Variants in PDZRN3 observed in about 807,000 individuals in gnomAD.
The protein encoded by PDZRN3 is E3 ubiquitin-protein ligase PDZRN3.
In PDZRN3, 38 loss-of-function variants were observed where a neutral mutation model predicts 85.7. That is an observed-to-expected ratio of 0.44 (90% confidence interval 0.34 to 0.58). The LOEUF (loss-of-function observed/expected upper bound fraction) is 0.58, where lower values mean the gene tolerates loss of function less well. Among genes scored for constraint, PDZRN3 ranks in the 20% least tolerant of loss-of-function variants. PDZRN3 has a pLI of 0.01. For synonymous variants in PDZRN3, 759 were observed against 638.0 expected, an observed-to-expected ratio of 1.19 and a Z score of -2.86; for missense variants, 1,629 against 1,506.4, an observed-to-expected ratio of 1.08 and a Z score of -1.35.
intron 3 of PDZRN3, among the ~76,000 whole-genome samples, chr3:73,452,286 G>GGGT (rs1227885619): frequency 6.6e-6 from 1 of 152,038 alleles, no homozygotes; most frequent in Non-Finnish European, 1.5e-5. Flanking sequence ...TCTCAAATAG[G>GGGT]GGTGGGGTCA....
intron 3 of PDZRN3, among the ~76,000 whole-genome samples, chr3:73,442,896 G>C (rs1216791113): frequency 6.6e-6 from 1 of 152,148 alleles, no homozygotes; most frequent in Admixed American, 6.5e-5. Flanking sequence ...CTAGGTCCCT[G>C]TGGTGTTGTT....
chr3:73,624,752 A>G lies in PDZRN3; in HGVS notation c.74T>C (p.Leu25Pro). 1 of 1,509,060 alleles carries G rather than the reference A, an allele frequency of 6.6e-7. No homozygotes were observed. The highest frequency in any genetic ancestry group is 8.8e-7 in the Non-Finnish European group (1 of 1,136,680). The allele number at this position is 1,509,060 out of a possible 1,614,324, so 93.5% of individuals were successfully genotyped here. The change falls in exon 1 of 10, where the codon CTG (leucine) becomes CCG (proline). Residue 25 changes from leucine to proline, a missense_variant. By Grantham distance (98) the Leu-to-Pro change is moderately conservative. Transcript: ENST00000263666. Reference protein sequence around the residue: ...DLKCALCHKVLEDPLTTPCGH... With the variant: ...DLKCALCHKVPEDPLTTPCGH... ...GCACGGCGTGGTCAGCGGGTCCTCC[A>G]GGACCTTGTGGCACAGCGCGCACTT...
rs1428829431 is a variant in PDZRN3, at chr3:73,383,578, C to T, written c.2988G>A (p.Met996Ile). 4.3e-6 allele frequency: 7 copies of T among 1,614,174 alleles called. No homozygotes were observed. In the African/African-American group the frequency reaches 6.7e-5, roughly 15 times the overall value. ...KEQRRRREFM[M>I]QSRLDCLKEQ... is the part of the protein sequence containing the mutation. ...CCTTGAGACAATCCAACCTGCTCTG[C>T]ATCATGAACTCGCGCCGCCGCCGCT... The change falls in exon 10 of 10, where the codon ATG becomes ATA. Residue 996 changes from methionine to isoleucine, a missense_variant. Physicochemically the swap from Met to Ile is conservative, Grantham distance 10. Transcript: ENST00000263666.
Position 73,522,455 on chromosome 3 carries a change from C to T in PDZRN3, c.918+79899G>A, listed in dbSNP as rs114251993. 3.5e-3 allele frequency among the ~76,000 whole-genome samples: 531 copies of T among 152,306 alleles called. 7 individuals are homozygous for T. Among genetic ancestry groups the T allele is most frequent in the African/African-American group, 0.012 (505 of 41,560 alleles). On this transcript the variant is annotated intron_variant, in intron 3 of 9. Transcript: ENST00000263666. Reference sequence around the variant, plus strand: ...GCTCCTCAGAAGGGTCTGCATTTATCGCCATGCTATGACAATGTCTAACAA... The same window carrying T: ...GCTCCTCAGAAGGGTCTGCATTTATTGCCATGCTATGACAATGTCTAACAA...
chr3:73,509,469 TC>T (rs1704125204), intron 3 of PDZRN3, among the ~76,000 whole-genome samples: 1 of 152,164 alleles, frequency 6.6e-6, no homozygotes, highest in Non-Finnish European at 1.5e-5. Context: ...AGTTTCCTCT[TC>T]TATAAAAACA....
chr3:73,427,825 C>T (rs903095473), intron 3 of PDZRN3, among the ~76,000 whole-genome samples: 2 of 152,176 alleles, frequency 1.3e-5, no homozygotes, highest in African/African-American at 2.4e-5. Context: ...TGCAAAGTCC[C>T]TACCTTCATG....
chr3:73,578,976 C>A (rs1166845431), intron 3 of PDZRN3, among the ~76,000 whole-genome samples: 2 of 152,128 alleles, frequency 1.3e-5, no homozygotes, highest in African/African-American at 4.8e-5. Flanking sequence ...TATCTGAAGA[C>A]AAAAATTTTC....
chr3:73,608,949 A>G (rs965251592), intron 1 of PDZRN3, among the ~76,000 whole-genome samples: 3 of 152,146 alleles, frequency 2.0e-5, no homozygotes, highest in Admixed American at 6.6e-5. Flanking sequence ...TGCCCAATGA[A>G]CATTTTCTAT....
intron 3 of PDZRN3, among the ~76,000 whole-genome samples, chr3:73,477,529 C>A (rs1703481343): frequency 1.3e-5 from 2 of 152,162 alleles, no homozygotes; most frequent in Admixed American, 1.3e-4. Context: ...GCTGAGCCAA[C>A]AGTATTCCCT....
At chr3:73,618,968 T>C (rs1050886146) in intron 1 of PDZRN3, among the ~76,000 whole-genome samples, 1 of 152,188 alleles carries the variant, frequency 6.6e-6, no homozygotes, top group African/African-American at 2.4e-5. Context: ...AACAGATACA[T>C]TTCAAAGTGT....
At chr3:73,484,552 A>G (rs9832441) in intron 3 of PDZRN3, among the ~76,000 whole-genome samples, 151,795 of 152,344 alleles carry the variant, frequency 1, 75,629 homozygotes, top group Middle Eastern at 1. Flanking sequence ...GAAGAAGATA[A>G]ACTATAGCAC....
intron 3 of PDZRN3, among the ~76,000 whole-genome samples, chr3:73,515,365 A>G (rs1704239183): frequency 6.6e-6 from 1 of 151,936 alleles, no homozygotes; most frequent in South Asian, 2.1e-4. Flanking sequence ...TTTAATAGAG[A>G]TGGGGTTTCA....
chr3:73,449,644 T>C (rs1156250383), intron 3 of PDZRN3, among the ~76,000 whole-genome samples: 1 of 152,206 alleles, frequency 6.6e-6, no homozygotes, highest in Non-Finnish European at 1.5e-5. Context: ...TTACATAGCA[T>C]TCGGTAATAT....
At chr3:73,595,677 G>A (rs1320441262) in intron 3 of PDZRN3, among the ~76,000 whole-genome samples, 1 of 152,014 alleles carries the variant, frequency 6.6e-6, no homozygotes, top group Non-Finnish European at 1.5e-5. Flanking sequence ...TCTAAGCAAA[G>A]ATCACAGATT....
At chr3:73,579,661 T>A (rs1397930065) in intron 3 of PDZRN3, among the ~76,000 whole-genome samples, 1 of 152,196 alleles carries the variant, frequency 6.6e-6, no homozygotes, top group Non-Finnish European at 1.5e-5. Flanking sequence ...TGTGGCACAC[T>A]GCAAGTTGCC....
At chr3:73,612,162 A>C (rs560652108) in intron 1 of PDZRN3, among the ~76,000 whole-genome samples, 5 of 152,342 alleles carry the variant, frequency 3.3e-5, no homozygotes, top group Admixed American at 2.6e-4. Context: ...GAAACTGATA[A>C]GCCAACAAAC....
chr3:73,565,179 A>T (rs1464021102), intron 3 of PDZRN3, among the ~76,000 whole-genome samples: 1 of 143,608 alleles, frequency 7.0e-6, no homozygotes. Context: ...CCCAGGCTGG[A>T]GCGCAGTGGT....
At chr3:73,390,356 G>A (rs146540057) in intron 6 of PDZRN3, among the ~76,000 whole-genome samples, 62 of 152,280 alleles carry the variant, frequency 4.1e-4, no homozygotes, top group Middle Eastern at 3.4e-3. Context: ...GAAAGGATGG[G>A]TTAACTTAAG....
At chr3:73,545,148 C>A (rs991757448) in intron 3 of PDZRN3, among the ~76,000 whole-genome samples, 2 of 152,208 alleles carry the variant, frequency 1.3e-5, no homozygotes, top group Non-Finnish European at 2.9e-5. Context: ...TGCCAAGCGC[C>A]TGGCGTCTCC....
Sources: gnomAD v4.1 joint callset for allele counts (sites outside exome capture counted in the v4.1 genomes callset) on GRCh38, gnomAD v4.1.1 for gene constraint, MANE v1.5 for transcripts, NCBI Gene and HGNC (gene_info 2026-07-23, HGNC 2026-07-21) for gene names.